The following GLRA3 variants were observed in gnomAD, a reference collection of about 807,000 sequenced individuals.
GLRA3 encodes the protein glycine receptor alpha 3.
Under a neutral mutation model 60.4 loss-of-function variants are expected in GLRA3, and 44 were observed. That is an observed-to-expected ratio of 0.73 (90% CI 0.57 to 0.94). GLRA3 has a LOEUF of 0.94. Ranked by LOEUF, GLRA3 falls within the 40% of genes least tolerant of loss-of-function variation. The pLI is 0.00. For synonymous variants in GLRA3, 223 were observed against 192.9 expected, an observed-to-expected ratio of 1.16 and a Z score of -1.29; for missense variants, 508 against 564.6, an observed-to-expected ratio of 0.90 and a Z score of 1.02.
chr4:174,736,461 G>A (rs1736793687), intron 3 of GLRA3, among the ~76,000 whole-genome samples: 1 of 152,058 alleles, frequency 6.6e-6, no homozygotes, highest in South Asian at 2.1e-4. Context: ...CCTGTATCCA[G>A]TTAGTGATCT....
At position 174,807,336 on chromosome 4, in the gene GLRA3, A is replaced by T. The variant is rs1161509591; in HGVS notation, c.72-18393T>A. On this transcript the variant is annotated intron_variant, in intron 1 of 9. Transcript: ENST00000274093. ...CACATTTCTATTTTCTTTCCCTTGC[A>T]GTGTTCATTAAAGGACTACTAAATG... Among the ~76,000 whole-genome samples the T allele has an allele frequency of 6.6e-5, 10 of 152,098 alleles. No homozygotes were observed. In the East Asian group the frequency reaches 1.9e-3, roughly 29 times the overall value.
intron 2 of GLRA3, among the ~76,000 whole-genome samples, chr4:174,778,328 A>ATT (rs1260049888): frequency 1.3e-5 from 2 of 151,910 alleles, no homozygotes; most frequent in African/African-American, 4.8e-5. Flanking sequence ...AAAAATAACT[A>ATT]TTTCTTTTCT....
intron 7 of GLRA3, among the ~76,000 whole-genome samples, chr4:174,674,673 G>A (rs563116483): frequency 2.0e-5 from 3 of 152,190 alleles, no homozygotes; most frequent in South Asian, 4.1e-4. Flanking sequence ...ATGATTTATT[G>A]TTTCACTGTC....
At chr4:174,673,975 A>T (rs560596704) in intron 7 of GLRA3, among the ~76,000 whole-genome samples, 3 of 152,178 alleles carry the variant, frequency 2.0e-5, no homozygotes, top group Admixed American at 1.3e-4. Context: ...TTTACTTCCA[A>T]ATATATTTTT....
At chr4:174,689,756 T>TAAAAAAAAAAAAAAAAAAAAAAA (rs553306775) in intron 5 of GLRA3, among the ~76,000 whole-genome samples, 1 of 39,514 alleles carries the variant, frequency 2.5e-5, no homozygotes, top group African/African-American at 1.1e-4. Flanking sequence ...TAAGTCGCAT[T>TAAAAAAAAAAAAAAAAAAAAAAA]AAAAAAAAAA....
intron 4 of GLRA3, among the ~76,000 whole-genome samples, chr4:174,727,796 G>T (rs1736383008): frequency 6.6e-6 from 1 of 151,612 alleles, no homozygotes; most frequent in African/African-American, 2.4e-5. Flanking sequence ...TTCAATATTG[G>T]GTTTTTTTTA....
intron 3 of GLRA3, among the ~76,000 whole-genome samples, chr4:174,742,207 T>C (rs1561089694): frequency 6.6e-6 from 1 of 152,162 alleles, no homozygotes; most frequent in Non-Finnish European, 1.5e-5. Flanking sequence ...ATATTTAACA[T>C]CAGTAGAAGC....
At chr4:174,785,546 G>T (rs751834813) in intron 2 of GLRA3, among the ~76,000 whole-genome samples, 1 of 151,990 alleles carries the variant, frequency 6.6e-6, no homozygotes, top group Non-Finnish European at 1.5e-5. Context: ...TCTGTTAATT[G>T]TCTGATAATG....
intron 2 of GLRA3, among the ~76,000 whole-genome samples, chr4:174,771,257 A>C (rs188319580): frequency 9.9e-5 from 15 of 152,126 alleles, no homozygotes; most frequent in Admixed American, 9.8e-4. Context: ...AAAATAAATA[A>C]ATGAAATTTC....
chr4:174,809,199 T>C (rs1412476225), intron 1 of GLRA3, among the ~76,000 whole-genome samples: 3 of 152,194 alleles, frequency 2.0e-5, no homozygotes, highest in Admixed American at 2.0e-4. Context: ...TACAATTGTG[T>C]TACAATTGCC....
At chr4:174,721,821 G>A (rs1736141729) in intron 4 of GLRA3, among the ~76,000 whole-genome samples, 1 of 151,136 alleles carries the variant, frequency 6.6e-6, no homozygotes, top group Non-Finnish European at 1.5e-5. Flanking sequence ...AAATATGTGT[G>A]TGTATATATA....
At chr4:174,705,978 T>G (rs1427115887) in intron 5 of GLRA3, among the ~76,000 whole-genome samples, 15 of 151,916 alleles carry the variant, frequency 9.9e-5, no homozygotes, top group Non-Finnish European at 1.5e-5. Flanking sequence ...AAGAAAAGAT[T>G]ATCACACTTT....
chr4:174,816,632 T>TC (rs1740510822), intron 1 of GLRA3, among the ~76,000 whole-genome samples: 1 of 152,144 alleles, frequency 6.6e-6, no homozygotes, highest in Non-Finnish European at 1.5e-5. Context: ...AAGTGGTTTT[T>TC]TTTTTTTCTT....
chr4:174,734,443 G>A (rs1736690454), intron 3 of GLRA3, among the ~76,000 whole-genome samples: 1 of 152,136 alleles, frequency 6.6e-6, no homozygotes, highest in Admixed American at 6.5e-5. Context: ...ATGGCCCATT[G>A]GGAAAGTGCC....
At chr4:174,805,422 A>T (rs1410730021) in intron 1 of GLRA3, among the ~76,000 whole-genome samples, 2 of 152,128 alleles carry the variant, frequency 1.3e-5, no homozygotes, top group Non-Finnish European at 2.9e-5. Context: ...GAAGCTAATC[A>T]TCATGTTGTG....
At chr4:174,710,280 G>A (rs1387080126) in intron 5 of GLRA3, among the ~76,000 whole-genome samples, 1 of 151,786 alleles carries the variant, frequency 6.6e-6, no homozygotes, top group African/African-American at 2.4e-5. Context: ...CCTAATTCAA[G>A]CTCTATCCTA....
chr4:174,779,469 CT>C, intron 2 of GLRA3, among the ~76,000 whole-genome samples: 1 of 152,314 alleles, frequency 6.6e-6, no homozygotes, highest in Admixed American at 6.5e-5. Context: ...CGGAGAATGA[CT>C]TTGACGAGCT....
chr4:174,761,034 T>G (rs1281770996), intron 3 of GLRA3, among the ~76,000 whole-genome samples: 3 of 152,144 alleles, frequency 2.0e-5, no homozygotes, highest in African/African-American at 4.8e-5. Flanking sequence ...CATTTATATC[T>G]TAATATCAAA....
At chr4:174,823,893 A>G (rs568937077) in intron 1 of GLRA3, among the ~76,000 whole-genome samples, 1 of 152,324 alleles carries the variant, frequency 6.6e-6, no homozygotes, top group African/African-American at 2.4e-5. Flanking sequence ...CTGCAACTTC[A>G]TCACTTGGTT....
Sources: gnomAD v4.1 joint callset for allele counts (sites outside exome capture counted in the v4.1 genomes callset) on GRCh38, gnomAD v4.1.1 for gene constraint, MANE v1.5 for transcripts, NCBI Gene and HGNC (gene_info 2026-07-23, HGNC 2026-07-21) for gene names.